The following ANK3 variants were observed in gnomAD, a reference collection of about 807,000 sequenced individuals.
The protein encoded by ANK3 is ankyrin 3.
A neutral mutation model predicts 370.9 loss-of-function variants in ANK3; 57 were observed. The observed-to-expected ratio is 0.15, with a 90% CI of 0.12 to 0.19. The LOEUF (loss-of-function observed/expected upper bound fraction) is 0.19, where lower values mean the gene tolerates loss of function less well. Among genes scored for constraint, ANK3 ranks in the 10% least tolerant of loss-of-function variants. ANK3 has a pLI of 1.00. For missense variants in ANK3, 4,439 were observed against 5,302.1 expected (o/e 0.84, Z 5.06); for synonymous variants, 1,929 against 1,946.3 (o/e 0.99, Z 0.23).
intron 2 of ANK3, among the ~76,000 whole-genome samples, chr10:60,457,155 C>CCCT (rs2064768699): frequency 2.6e-5 from 4 of 152,076 alleles, no homozygotes; most frequent in Non-Finnish European, 5.9e-5. Context: ...AGCTCCTGAG[C>CCCT]AGAGGGCAAT....
At chr10:60,041,978 T>C (rs962969752) in intron 43 of ANK3, among the ~76,000 whole-genome samples, 7 of 152,252 alleles carry the variant, frequency 4.6e-5, no homozygotes, top group Non-Finnish European at 8.8e-5. Context: ...GATTTTGCTT[T>C]ACTTTACAGA....
At chr10:60,199,649 C>T (rs1007691439) in intron 13 of ANK3, among the ~76,000 whole-genome samples, 1 of 151,698 alleles carries the variant, frequency 6.6e-6, no homozygotes, top group Non-Finnish European at 1.5e-5. Context: ...GTTTCTCCTG[C>T]AGGTGAAATA....
At chr10:60,272,449 G>T (rs2098008468) in intron 4 of ANK3, among the ~76,000 whole-genome samples, 1 of 142,836 alleles carries the variant, frequency 7.0e-6, no homozygotes, top group Admixed American at 7.1e-5. Flanking sequence ...ATTTTTAGAA[G>T]TTTTTTGTTG....
At chr10:60,509,927 C>T (rs1394450321) in intron 2 of ANK3, among the ~76,000 whole-genome samples, 4 of 152,034 alleles carry the variant, frequency 2.6e-5, no homozygotes, top group African/African-American at 7.2e-5. Context: ...TCAATGGCAT[C>T]AGACCTCCTT....
At chr10:60,206,286 A>G (rs1434091695) in intron 10 of ANK3, among the ~76,000 whole-genome samples, 1 of 152,134 alleles carries the variant, frequency 6.6e-6, no homozygotes, top group Non-Finnish European at 1.5e-5. Flanking sequence ...CAACCTGGCC[A>G]ACACGGTGAA....
At chr10:60,222,824 AC>A (rs1380984586) in intron 8 of ANK3, among the ~76,000 whole-genome samples, 4 of 151,970 alleles carry the variant, frequency 2.6e-5, no homozygotes, top group African/African-American at 9.7e-5. Context: ...TTCCTTTCCC[AC>A]TTCCTACAGG....
intron 2 of ANK3, among the ~76,000 whole-genome samples, chr10:60,505,436 TATATTTTGTCTTTA>T: frequency 6.6e-6 from 1 of 152,162 alleles, no homozygotes; most frequent in East Asian, 1.9e-4. Context: ...TCTACCAAGA[TATATTTTGTCTTTA>T]ATATTTTAGT....
chr10:60,554,908 A>G (rs374540216), intron 2 of ANK3, among the ~76,000 whole-genome samples: 4 of 152,334 alleles, frequency 2.6e-5, no homozygotes, highest in African/African-American at 9.6e-5. Context: ...AAAGAGACTT[A>G]GGGAAAAATG....
intron 28 of ANK3, among the ~76,000 whole-genome samples, chr10:60,103,820 C>T (rs992598538): frequency 2.6e-5 from 4 of 152,110 alleles, no homozygotes; most frequent in South Asian, 2.1e-4. Context: ...CAAGGAAATG[C>T]TATCCAGTTT....
intron 2 of ANK3, among the ~76,000 whole-genome samples, chr10:60,540,912 TA>T (rs2076832857): frequency 6.6e-6 from 1 of 151,976 alleles, no homozygotes. Context: ...ATTGTAGAAA[TA>T]TTTGCAACAG....
intron 2 of ANK3, among the ~76,000 whole-genome samples, chr10:60,613,057 TAGA>T (rs1279197906): frequency 6.6e-6 from 1 of 152,224 alleles, no homozygotes; most frequent in Non-Finnish European, 1.5e-5. Context: ...TTCATTCTTG[TAGA>T]AGGTTTAAGA....
intron 24 of ANK3, 104 bp from the exon 25 acceptor site, chr10:60,134,477 T>G (rs1038255767): frequency 2.6e-5 from 20 of 768,806 alleles, no homozygotes; most frequent in Non-Finnish European, 4.0e-5. Context: ...TGGCTAAAAA[T>G]ATCAACAAAA....
intron 1 of ANK3, among the ~76,000 whole-genome samples, chr10:60,322,396 C>T (rs567951863): frequency 1.3e-5 from 2 of 152,152 alleles, no homozygotes; most frequent in South Asian, 2.1e-4. Flanking sequence ...AATGTCTTCA[C>T]CAACTTCAGC....
At chr10:60,446,945 T>TTGTA (rs1395452678) in intron 2 of ANK3, among the ~76,000 whole-genome samples, 1 of 152,206 alleles carries the variant, frequency 6.6e-6, no homozygotes, top group Non-Finnish European at 1.5e-5. Flanking sequence ...ACTCTGGGTC[T>TTGTA]TGTATGTAAG....
intron 43 of ANK3, among the ~76,000 whole-genome samples, chr10:60,039,399 C>CT (rs2131856317): frequency 6.6e-6 from 1 of 152,226 alleles, no homozygotes; most frequent in South Asian, 2.1e-4. Context: ...AATCAGCCCC[C>CT]TTTTTTGGTA....
chr10:60,369,677 A>G (rs1402504935), intron 1 of ANK3, among the ~76,000 whole-genome samples: 3 of 151,440 alleles, frequency 2.0e-5, no homozygotes, highest in Admixed American at 6.6e-5. Flanking sequence ...TTCCTGTTTA[A>G]CATAACTATT....
chr10:60,139,526 T>A, intron 23 of ANK3: 1 of 152,412 alleles, frequency 6.6e-6, no homozygotes, highest in African/African-American at 2.4e-5. Flanking sequence ...AACAGACATT[T>A]AAAAAAAAAA....
rs116417101 is a variant in ANK3, at chr10:60,668,666, A to G, written c.58-53442T>C. Among the ~76,000 whole-genome samples the G allele has an allele frequency of 2.7e-3, 414 of 152,176 alleles. 2 individuals are homozygous for G. Among genetic ancestry groups the G allele is most frequent in the African/African-American group, 9.4e-3 (391 of 41,528 alleles). ...TGCACATCAGCCAGGCTCAGCTGTT[A>G]CCCTCCAGAAAGCTTTGTCCAAGAT... On this transcript the variant is annotated intron_variant, in intron 1 of 43. Coordinates refer to the ANK3 transcript ENST00000373827.
rs1319363351 is a variant in ANK3 at position 60,196,546 on chromosome 10, G to A, written c.1769C>T (p.Ser590Phe). The A allele has an allele frequency of 7.4e-6, 12 of 1,612,976 alleles. No individual in the cohort carries two copies. The African/African-American group carries it at 1.5e-4, about 20-fold the overall frequency. ...VANLLLQKSASPDAAGKSGLT... is the reference protein window; with the variant it reads ...VANLLLQKSAFPDAAGKSGLT... ...TCTTACCTTCCCAGCAGCATCTGGA[G>A]ATGCACTTTTCTGTAGCAGGAGATT... Residue 590 changes from serine to phenylalanine, a missense_variant, in exon 15 of 44, where the codon TCT (serine) becomes TTT (phenylalanine). Coordinates refer to ENST00000280772, the MANE Select transcript of ANK3 (RefSeq NM_020987.5).
Sources: allele counts gnomAD v4.1 joint callset (sites outside exome capture counted in the v4.1 genomes callset), GRCh38; gene constraint gnomAD v4.1.1; transcripts MANE v1.5; gene names NCBI Gene and HGNC (gene_info 2026-07-23, HGNC 2026-07-21).